The following PDE4D variants were observed in gnomAD, a reference collection of about 807,000 sequenced individuals.
PDE4D encodes phosphodiesterase 4D.
In PDE4D, 24 loss-of-function variants were observed where a neutral mutation model predicts 87.4. That is an observed-to-expected ratio of 0.27 (90% confidence interval 0.20 to 0.39). PDE4D has a LOEUF of 0.39. Among genes scored for constraint, PDE4D ranks in the 10% least tolerant of loss-of-function variants. The pLI, the probability that PDE4D is intolerant of heterozygous loss-of-function variation, is 1.00. For synonymous variants in PDE4D, 384 were observed against 383.2 expected (o/e 1.00, Z -0.02); for missense variants, 714 against 1,041.0 (o/e 0.69, Z 4.32).
chr5:59,577,176 T>A (rs1295356917), intron 1 of PDE4D, among the ~76,000 whole-genome samples: 1 of 152,136 alleles, frequency 6.6e-6, no homozygotes, highest in African/African-American at 2.4e-5. Context: ...TGGGAAGATA[T>A]GAGAAATGTA....
At chr5:60,474,531 T>G (rs1199386565) in intron 1 of PDE4D, among the ~76,000 whole-genome samples, 5 of 152,104 alleles carry the variant, frequency 3.3e-5, no homozygotes, top group Non-Finnish European at 7.4e-5. Flanking sequence ...ACCCACCAAA[T>G]TAGGAGTTTG....
chr5:59,880,536 A>G (rs1475184998), intron 1 of PDE4D, among the ~76,000 whole-genome samples: 1 of 152,214 alleles, frequency 6.6e-6, no homozygotes, highest in Non-Finnish European at 1.5e-5. Flanking sequence ...GAAATATTAC[A>G]TTGAACATGC....
At chr5:60,297,577 G>A (rs1753522008) in intron 1 of PDE4D, among the ~76,000 whole-genome samples, 1 of 152,058 alleles carries the variant, frequency 6.6e-6, no homozygotes, top group Non-Finnish European at 1.5e-5. Context: ...TCAATCTTCT[G>A]GGAGAAATTT....
intron 1 of PDE4D, among the ~76,000 whole-genome samples, chr5:59,443,579 T>C (rs1360536712): frequency 6.6e-6 from 1 of 152,202 alleles, no homozygotes; most frequent in African/African-American, 2.4e-5. Context: ...AACAATATCA[T>C]TGCTATTATT....
At chr5:60,020,596 A>G (rs1015923340) in intron 2 of PDE4D, among the ~76,000 whole-genome samples, 2 of 152,124 alleles carry the variant, frequency 1.3e-5, no homozygotes, top group African/African-American at 2.4e-5. Flanking sequence ...AGTGAAAGAA[A>G]AAAGATAATA....
At chr5:60,178,753 G>T (rs924190213) in intron 2 of PDE4D, among the ~76,000 whole-genome samples, 7 of 152,082 alleles carry the variant, frequency 4.6e-5, no homozygotes, top group African/African-American at 1.7e-4. Context: ...TGGTACTGTG[G>T]TGTTATCATT....
At chr5:59,835,770 T>C (rs1741925331) in intron 1 of PDE4D, among the ~76,000 whole-genome samples, 1 of 152,046 alleles carries the variant, frequency 6.6e-6, no homozygotes, top group South Asian at 2.1e-4. Context: ...AGAGTCAGTT[T>C]ATAGTCAAGG....
At chr5:59,907,055 A>G (rs1390168508) in intron 3 of PDE4D, among the ~76,000 whole-genome samples, 3 of 152,206 alleles carry the variant, frequency 2.0e-5, no homozygotes, top group Admixed American at 1.3e-4. Context: ...AGCCATAAAA[A>G]GAATGAGATA....
chr5:59,245,355 G>T (rs1393119719), intron 1 of PDE4D, among the ~76,000 whole-genome samples: 1 of 152,106 alleles, frequency 6.6e-6, no homozygotes, highest in Non-Finnish European at 1.5e-5. Flanking sequence ...AGTGGTCAAA[G>T]GTTCCCTAAA....
intron 2 of PDE4D, among the ~76,000 whole-genome samples, chr5:60,020,392 G>C (rs1201308120): frequency 6.6e-6 from 1 of 152,182 alleles, no homozygotes; most frequent in Non-Finnish European, 1.5e-5. Flanking sequence ...GTTAGATGTA[G>C]AGTTTTCACA....
chr5:59,603,719 G>A lies in PDE4D; in HGVS notation c.455+289449C>T, dbSNP rs80075334. Among the ~76,000 whole-genome samples, 1,509 of 152,068 alleles carry A rather than the reference G, an allele frequency of 9.9e-3. 11 individuals are homozygous for A. Among genetic ancestry groups the A allele is most frequent in the Non-Finnish European group, 0.018 (1,215 of 67,874 alleles). ...AAACAGTTGAGCTCATAGAACTAGA[G>A]ATTAGAATGGTAATTACCAGGGGCT... On this transcript the variant is annotated intron_variant, in intron 1 of 14. Coordinates refer to ENST00000340635, the MANE Select transcript of PDE4D (RefSeq NM_001104631.2).
chr5:59,132,446 C>T (rs932006365), intron 5 of PDE4D, among the ~76,000 whole-genome samples: 3 of 152,250 alleles, frequency 2.0e-5, no homozygotes, highest in Admixed American at 2.0e-4. Flanking sequence ...ACCTAAATAA[C>T]TTTTACGTGA....
intron 1 of PDE4D, among the ~76,000 whole-genome samples, chr5:59,256,048 ATAGAG>A (rs1165200020): frequency 4.6e-5 from 7 of 152,234 alleles, no homozygotes; most frequent in Non-Finnish European, 1.0e-4. Flanking sequence ...ACACAAGTAC[ATAGAG>A]TAAATGTTAA....
intron 1 of PDE4D, among the ~76,000 whole-genome samples, chr5:60,296,021 T>C (rs1024938738): frequency 3.9e-5 from 6 of 152,294 alleles, no homozygotes; most frequent in South Asian, 4.1e-4. Flanking sequence ...TGTCCTCACA[T>C]GGTGGAAGAG....
chr5:60,107,926 T>G (rs1000493324), intron 2 of PDE4D, among the ~76,000 whole-genome samples: 3 of 152,012 alleles, frequency 2.0e-5, no homozygotes, highest in Non-Finnish European at 4.4e-5. Flanking sequence ...AAAACTAGAA[T>G]CATTCCGTTT....
intron 1 of PDE4D, among the ~76,000 whole-genome samples, chr5:59,525,686 T>C (rs1159599955): frequency 6.6e-6 from 1 of 152,144 alleles, no homozygotes; most frequent in Non-Finnish European, 1.5e-5. Flanking sequence ...GTAATCCAAA[T>C]TGTAATCCCC....
chr5:59,940,046 G>A (rs1028906329), intron 3 of PDE4D, among the ~76,000 whole-genome samples: 1 of 152,204 alleles, frequency 6.6e-6, no homozygotes, highest in East Asian at 1.9e-4. Flanking sequence ...AACAGAGAGA[G>A]AAAGAGCATA....
chr5:60,442,691 A>T (rs1745334545), intron 1 of PDE4D, among the ~76,000 whole-genome samples: 1 of 152,174 alleles, frequency 6.6e-6, no homozygotes, highest in African/African-American at 2.4e-5. Flanking sequence ...TAACAGTAGA[A>T]ATCAGAGAAC....
chr5:59,945,676 T>G (rs768885345), intron 3 of PDE4D, among the ~76,000 whole-genome samples: 12 of 152,218 alleles, frequency 7.9e-5, no homozygotes, highest in Non-Finnish European at 8.8e-5. Flanking sequence ...GTTAGAGACC[T>G]TGATAAGACA....
Sources: allele counts gnomAD v4.1 joint callset (sites outside exome capture counted in the v4.1 genomes callset), GRCh38; gene constraint gnomAD v4.1.1; transcripts MANE v1.5; gene names NCBI Gene and HGNC (gene_info 2026-07-23, HGNC 2026-07-21).